Variants in MYO5A observed in about 807,000 individuals in gnomAD.
MYO5A encodes the protein unconventional myosin-Va.
In MYO5A, 98 loss-of-function variants were observed where a neutral mutation model predicts 249.7. That is an observed-to-expected ratio of 0.39 (90% CI 0.33 to 0.46). The LOEUF (loss-of-function observed/expected upper bound fraction) is 0.46, where lower values mean the gene tolerates loss of function less well. MYO5A is among the 20% of genes least tolerant of loss of function. The pLI, the probability that MYO5A is intolerant of heterozygous loss-of-function variation, is 0.98. For synonymous variants in MYO5A, 778 were observed against 810.6 expected (o/e 0.96, Z 0.68); for missense variants, 1,696 against 2,308.8 (o/e 0.73, Z 5.44).
intron 1 of MYO5A, among the ~76,000 whole-genome samples, chr15:52,450,727 T>A (rs2075998841): frequency 6.6e-6 from 1 of 151,190 alleles, no homozygotes; most frequent in Non-Finnish European, 1.5e-5. Flanking sequence ...GGTCGTGAAC[T>A]CCTTGGCTCA....
intron 15 of MYO5A, 64 bp downstream of exon 15, chr15:52,384,097 A>C: frequency 6.3e-7 from 1 of 1,590,526 alleles, no homozygotes; most frequent in Non-Finnish European, 8.6e-7. Context: ...TGAAGAGGGA[A>C]GATCTGAGGT....
intron 1 of MYO5A, among the ~76,000 whole-genome samples, chr15:52,440,265 TC>T (rs1329319229): frequency 2.1e-5 from 3 of 144,406 alleles, no homozygotes; most frequent in African/African-American, 7.4e-5. Flanking sequence ...CTTTTTTTTT[TC>T]TTTTTCTTTT....
At chr15:52,387,975 A>C in intron 13 of MYO5A, 63 bp from the exon 14 acceptor site, 1 of 1,159,086 alleles carries the variant, frequency 8.6e-7, no homozygotes, top group Non-Finnish European at 1.3e-6. Flanking sequence ...TATAATCATC[A>C]ATAATAAGAA....
intron 1 of MYO5A, among the ~76,000 whole-genome samples, chr15:52,457,003 T>G (rs1013146738): frequency 1.3e-5 from 2 of 152,122 alleles, no homozygotes; most frequent in Non-Finnish European, 2.9e-5. Flanking sequence ...AAGAAAACGA[T>G]TAACAGAGTA....
At chr15:52,374,262 G>T (rs538411372) in intron 20 of MYO5A, among the ~76,000 whole-genome samples, 1 of 152,286 alleles carries the variant, frequency 6.6e-6, no homozygotes, top group South Asian at 2.1e-4. Flanking sequence ...TTGGAGCATT[G>T]TATCTGTCAA....
At chr15:52,426,119 CA>C in intron 3 of MYO5A, 145 bp from the exon 4 acceptor site, 1 of 756,812 alleles carries the variant, frequency 1.3e-6, no homozygotes, top group East Asian at 2.7e-5. Context: ...GTTCAAGGAT[CA>C]AAATGTATCA....
intron 1 of MYO5A, among the ~76,000 whole-genome samples, chr15:52,515,401 G>A (rs1003493836): frequency 6.6e-6 from 1 of 152,096 alleles, no homozygotes; most frequent in African/African-American, 2.4e-5. Context: ...AAATCAAGAC[G>A]ATTTCTAAGT....
intron 27 of MYO5A, 141 bp downstream of exon 27, chr15:52,353,464 G>C (rs2040053093): frequency 1.4e-6 from 1 of 731,056 alleles, no homozygotes; most frequent in African/African-American, 1.8e-5. Flanking sequence ...AACACAAGAA[G>C]TAATGCTGAA....
chr15:52,435,814 G>A (rs954129243), intron 1 of MYO5A: 2 of 329,824 alleles, frequency 6.1e-6, no homozygotes, highest in Non-Finnish European at 1.2e-5. Context: ...ACACTCAGCA[G>A]AGGCAACATA....
Position 52,351,440 on chromosome 15 carries a change from C to T in MYO5A, c.3663G>A (p.Glu1221=). The T allele has an allele frequency of 6.2e-7, 1 of 1,614,202 alleles. No homozygotes were observed. Among genetic ancestry groups the T allele is most frequent in the Non-Finnish European group, 8.5e-7 (1 of 1,180,022 alleles). ...TGAGGGCCTTGCGCAACTCATTTAGCTCATTCTTCAGTTTTTTGTTTTCTG... is the reference window on the plus strand; with the variant it reads ...TGAGGGCCTTGCGCAACTCATTTAGTTCATTCTTCAGTTTTTTGTTTTCTG... ...LESENKKLKN[E]LNELRKALSE... Residue 1221 remains glutamate (E), a synonymous_variant, in exon 28 of 42, where the codon GAG becomes GAA. Coordinates refer to ENST00000399233, the MANE Select transcript of MYO5A (RefSeq NM_001382347.1).
intron 30 of MYO5A, among the ~76,000 whole-genome samples, chr15:52,345,442 G>A (rs1252634596): frequency 1.3e-5 from 2 of 151,900 alleles, no homozygotes; most frequent in Non-Finnish European, 1.5e-5. Context: ...AAAATTAGTC[G>A]GGTGTGGTGG....
At chr15:52,339,735 G>C (rs2039292761) in intron 32 of MYO5A, among the ~76,000 whole-genome samples, 1 of 152,148 alleles carries the variant, frequency 6.6e-6, no homozygotes, top group South Asian at 2.1e-4. Context: ...GCTTAGTTTT[G>C]CCAACCGCCT....
intron 30 of MYO5A, 118 bp downstream of exon 30, chr15:52,346,243 G>A: frequency 1.5e-6 from 1 of 688,474 alleles, no homozygotes; most frequent in Non-Finnish European, 2.6e-6. Context: ...TCCCTTTGAA[G>A]GCCAGTTAAT....
At chr15:52,324,837 A>G (rs936008760) in intron 36 of MYO5A, among the ~76,000 whole-genome samples, 2 of 152,190 alleles carry the variant, frequency 1.3e-5, no homozygotes, top group African/African-American at 4.8e-5. Context: ...AAGAAAAAAA[A>G]TCCTAGAGGA....
chr15:52,378,414 G>T (rs770413074), intron 18 of MYO5A, among the ~76,000 whole-genome samples: 4 of 150,320 alleles, frequency 2.7e-5, no homozygotes, highest in African/African-American at 4.9e-5. Context: ...CCAGCTACTG[G>T]GGGGGCTGAG....
At chr15:52,317,329 C>A (rs2038071828) in intron 39 of MYO5A, 107 bp from the exon 40 acceptor site, 8 of 1,126,790 alleles carry the variant, frequency 7.1e-6, no homozygotes, top group Non-Finnish European at 1.0e-5. Flanking sequence ...AAATGACAGG[C>A]AGTATTTTTG....
chr15:52,517,946 C>T (rs541124027), intron 1 of MYO5A, among the ~76,000 whole-genome samples: 9 of 151,916 alleles, frequency 5.9e-5, no homozygotes, highest in Non-Finnish European at 8.8e-5. Context: ...AGATTAGCTA[C>T]AAGGCATCAC....
At position 52,323,416 on chromosome 15, in the gene MYO5A, G is replaced by A; in HGVS notation, c.4739C>T (p.Ser1580Phe). ...TCGGCATGTGTTAGAGAGCCAGAAG[G>A]AGACGGTTTCAAAATCATCACCTCT... ...KKRGDDFETV[S>F]FWLSNTCRFL... is the part of the protein sequence containing the mutation. Residue 1580 changes from serine to phenylalanine, a missense_variant, in exon 37 of 42, where the codon TCC becomes TTC. Around this residue, in one of 5 missense-constraint regions of MYO5A, gnomAD observed 625 missense variants for 908.1 expected, o/e 0.69. Coordinates refer to ENST00000399233, the MANE Select transcript of MYO5A (RefSeq NM_001382347.1). The A allele has an allele frequency of 2.5e-6, 4 of 1,613,666 alleles. No individual in the cohort carries two copies. Among genetic ancestry groups the A allele is most frequent in the Non-Finnish European group, 3.4e-6 (4 of 1,179,714 alleles).
intron 1 of MYO5A, among the ~76,000 whole-genome samples, chr15:52,472,225 C>G (rs1336453461): frequency 6.6e-6 from 1 of 151,950 alleles, no homozygotes; most frequent in African/African-American, 2.4e-5. Context: ...ACTACAGGGA[C>G]CAGCCACCAC....
Sources: gnomAD v4.1 joint callset for allele counts (sites outside exome capture counted in the v4.1 genomes callset) on GRCh38, gnomAD v4.1.1 for gene constraint, gnomAD v4.1.1 regional missense constraint, MANE v1.5 for transcripts, NCBI Gene and HGNC (gene_info 2026-07-23, HGNC 2026-07-21) for gene names.